Variants in CHRM2 observed in about 807,000 individuals in gnomAD.
CHRM2 encodes muscarinic acetylcholine receptor M2.
CHRM2 carries 8 observed loss-of-function variants against 25.0 expected under a neutral mutation model. The ratio of observed to expected loss-of-function variants is 0.32; its 90% confidence interval spans 0.19 to 0.58. CHRM2 has a LOEUF of 0.58. Ranked by LOEUF, CHRM2 falls within the 20% of genes least tolerant of loss-of-function variation. The pLI is 0.88. For synonymous variants in CHRM2, 202 were observed against 205.7 expected, an observed-to-expected ratio of 0.98 and a Z score of 0.15; for missense variants, 440 against 567.1, an observed-to-expected ratio of 0.78 and a Z score of 2.28.
chr7:136,877,338 C>T (rs1424111259), intron 2 of CHRM2, among the ~76,000 whole-genome samples: 1 of 151,944 alleles, frequency 6.6e-6, no homozygotes, highest in Admixed American at 6.6e-5. Context: ...GGACACAGTC[C>T]CATTTGCATA....
intron 2 of CHRM2, among the ~76,000 whole-genome samples, chr7:136,912,051 CTT>C (rs1797871712): frequency 6.6e-6 from 1 of 151,648 alleles, no homozygotes; most frequent in Non-Finnish European, 1.5e-5. Flanking sequence ...ACAATTTTGT[CTT>C]TGCAATAAAA....
At chr7:136,955,873 G>C (rs947384051) in intron 2 of CHRM2, among the ~76,000 whole-genome samples, 1 of 152,208 alleles carries the variant, frequency 6.6e-6, no homozygotes. Context: ...TTTATGCAAA[G>C]TGTTATAAAT....
intron 2 of CHRM2, among the ~76,000 whole-genome samples, chr7:136,897,229 G>T (rs1316737170): frequency 6.6e-6 from 1 of 151,824 alleles, no homozygotes; most frequent in African/African-American, 2.4e-5. Flanking sequence ...GGGATGATTA[G>T]TTTTATTGTG....
intron 2 of CHRM2, among the ~76,000 whole-genome samples, chr7:136,964,737 C>G (rs1801306606): frequency 6.6e-6 from 1 of 152,116 alleles, no homozygotes; most frequent in South Asian, 2.1e-4. Context: ...GCAAAGTACC[C>G]ACTCTCTCTT....
In CHRM2 at chr7:137,020,142, C is replaced by T. The variant is rs1461968921; in HGVS notation, c.*3876C>T. 6.6e-6 allele frequency: 1 copy of T among 150,600 alleles called. No homozygotes were observed. The highest frequency in any genetic ancestry group is 1.5e-5 in the Non-Finnish European group (1 of 67,490). The allele number at this position is 150,600 out of a possible 1,614,324, so 9.3% of individuals were successfully genotyped here. On this transcript the variant is annotated 3_prime_UTR_variant, in exon 4 of 4. Transcript: ENST00000680005. ...AATGTGTGCATATTTAATGTATCTTCCTGGAATATGCTATGTGCTAAATAT... is the reference window on the plus strand; with the variant it reads ...AATGTGTGCATATTTAATGTATCTTTCTGGAATATGCTATGTGCTAAATAT...
chr7:136,980,512 G>A lies in CHRM2; in HGVS notation c.-124-11675G>A, dbSNP rs547389755. 2.0e-5 allele frequency among the ~76,000 whole-genome samples: 3 copies of A among 152,276 alleles called. No individual in the cohort carries two copies. In the South Asian group the frequency reaches 6.2e-4, roughly 32 times the overall value. On this transcript the variant is annotated intron_variant, in intron 2 of 3. Transcript: ENST00000680005. ...AGGAGTGGTGAGAGAGGGCATCCTT[G>A]TCTTCTGCCAGTTTTCAAAGGAAAT...
At chr7:136,965,316 A>G (rs971732730) in intron 2 of CHRM2, among the ~76,000 whole-genome samples, 12 of 152,036 alleles carry the variant, frequency 7.9e-5, no homozygotes, top group African/African-American at 2.9e-4. Context: ...CTAAAATCTG[A>G]AAGAAATGTC....
intron 2 of CHRM2, among the ~76,000 whole-genome samples, chr7:136,957,665 A>G (rs1243611134): frequency 6.6e-6 from 1 of 152,204 alleles, no homozygotes; most frequent in Non-Finnish European, 1.5e-5. Context: ...GTGTCTCTAT[A>G]TTGTATAAAC....
chr7:136,879,530 T>A (rs1796179209), intron 2 of CHRM2, among the ~76,000 whole-genome samples: 1 of 151,996 alleles, frequency 6.6e-6, no homozygotes, highest in Non-Finnish European at 1.5e-5. Context: ...TACCAGCTAA[T>A]TTCTTTTTCA....
At chr7:136,971,255 T>C (rs1374737735) in intron 2 of CHRM2, among the ~76,000 whole-genome samples, 2 of 152,202 alleles carry the variant, frequency 1.3e-5, no homozygotes, top group Non-Finnish European at 2.9e-5. Context: ...GCAGTCAGCC[T>C]GGACTAGAAC....
intron 2 of CHRM2, among the ~76,000 whole-genome samples, chr7:136,907,416 T>C (rs1231697497): frequency 6.6e-6 from 1 of 151,988 alleles, no homozygotes; most frequent in Non-Finnish European, 1.5e-5. Flanking sequence ...AGCTGAGAAC[T>C]CATCACTCAA....
At chr7:136,986,437 A>G (rs2130998223) in intron 2 of CHRM2, among the ~76,000 whole-genome samples, 1 of 152,286 alleles carries the variant, frequency 6.6e-6, no homozygotes, top group East Asian at 1.9e-4. Context: ...CTCTCATTTC[A>G]ATATAAGAGC....
intron 3 of CHRM2, among the ~76,000 whole-genome samples, chr7:137,008,488 G>A (rs1804595112): frequency 6.6e-6 from 1 of 151,944 alleles, no homozygotes; most frequent in African/African-American, 2.4e-5. Context: ...TATTCTATCA[G>A]TTTTGGTCAT....
chr7:136,948,245 T>C (rs1800186292), intron 2 of CHRM2, among the ~76,000 whole-genome samples: 1 of 152,064 alleles, frequency 6.6e-6, no homozygotes, highest in South Asian at 2.1e-4. Flanking sequence ...GAAACATTAT[T>C]AACTGGAAGA....
rs76415230 is a variant in CHRM2 at position 136,879,445 on chromosome 7, C to T, written c.-125+10027C>T. ...AATAATTCTGTTCCTGTTTACATGT[C>T]CATTGTTAACTAACCATTTATTTGC... On this transcript the variant is annotated intron_variant, in intron 2 of 3. Coordinates refer to ENST00000680005, the MANE Select transcript of CHRM2 (RefSeq NM_001006630.2). Among the ~76,000 whole-genome samples the T allele has an allele frequency of 3.3e-3, 499 of 152,040 alleles. 3 individuals are homozygous for T. The highest frequency in any genetic ancestry group is 5.4e-3 in the South Asian group (26 of 4,828).
chr7:136,879,680 C>T (rs1425588200), intron 2 of CHRM2, among the ~76,000 whole-genome samples: 5 of 151,960 alleles, frequency 3.3e-5, no homozygotes, highest in African/African-American at 1.2e-4. Flanking sequence ...ACTCCTCTCC[C>T]TCGCAGTTTG....
At chr7:136,906,010 A>G (rs1400721829) in intron 2 of CHRM2, among the ~76,000 whole-genome samples, 1 of 151,080 alleles carries the variant, frequency 6.6e-6, no homozygotes, top group African/African-American at 2.4e-5. Context: ...CTTTGGTAAT[A>G]TTATGTAGAG....
intron 3 of CHRM2, among the ~76,000 whole-genome samples, chr7:136,996,743 T>C (rs528706115): frequency 2.4e-4 from 37 of 152,298 alleles, no homozygotes; most frequent in African/African-American, 7.7e-4. Context: ...ATAAAAATGA[T>C]GCATTAGATG....
chr7:136,957,255 ATG>A (rs10606389), intron 2 of CHRM2, among the ~76,000 whole-genome samples: 45,395 of 151,050 alleles, frequency 0.3, 7,017 homozygotes, highest in East Asian at 0.39. Flanking sequence ...CATAGTGTAT[ATG>A]TGTGTGTGTG....
Sources: gnomAD v4.1 joint callset for allele counts (sites outside exome capture counted in the v4.1 genomes callset) on GRCh38, gnomAD v4.1.1 for gene constraint, MANE v1.5 for transcripts, NCBI Gene and HGNC (gene_info 2026-07-23, HGNC 2026-07-21) for gene names.